Variants in CADM2 observed in about 807,000 individuals in gnomAD.
The protein encoded by CADM2 is cell adhesion molecule 2.
In CADM2, 12 loss-of-function variants were observed where a neutral mutation model predicts 49.8. The ratio of observed to expected loss-of-function variants is 0.24; its 90% CI spans 0.15 to 0.39. The LOEUF (loss-of-function observed/expected upper bound fraction) is 0.39, where lower values mean the gene tolerates loss of function less well. Ranked by LOEUF, CADM2 falls within the 10% of genes least tolerant of loss-of-function variation. CADM2 has a pLI of 1.00. For synonymous variants in CADM2, 214 were observed against 175.4 expected (o/e 1.22, Z -1.74); for missense variants, 378 against 492.3 (o/e 0.77, Z 2.20).
chr3:85,699,462 TA>T (rs1403628748), intron 1 of CADM2, among the ~76,000 whole-genome samples: 2 of 152,222 alleles, frequency 1.3e-5, no homozygotes, highest in Non-Finnish European at 2.9e-5. Flanking sequence ...GGCTTTTCCA[TA>T]AATCCTAAGA....
intron 1 of CADM2, among the ~76,000 whole-genome samples, chr3:85,170,239 G>A (rs1391969131): frequency 5.3e-5 from 8 of 152,014 alleles, no homozygotes; most frequent in Non-Finnish European, 1.2e-4. Flanking sequence ...TTATTCTGGC[G>A]CCTTTAGAGT....
intron 1 of CADM2, among the ~76,000 whole-genome samples, chr3:85,320,537 C>A (rs2044572956): frequency 6.6e-6 from 1 of 152,114 alleles, no homozygotes; most frequent in South Asian, 2.1e-4. Context: ...GTTTGGTTCA[C>A]GGAGACAATC....
chr3:85,567,846 A>G (rs890761644), intron 1 of CADM2, among the ~76,000 whole-genome samples: 4 of 152,198 alleles, frequency 2.6e-5, no homozygotes, highest in Admixed American at 2.6e-4. Context: ...TCTGAGGTCA[A>G]AGGCCTGAGA....
intron 1 of CADM2, among the ~76,000 whole-genome samples, chr3:84,988,679 C>G (rs1400046717): frequency 2.0e-5 from 3 of 151,942 alleles, no homozygotes; most frequent in Non-Finnish European, 2.9e-5. Flanking sequence ...TTTAGTAAAA[C>G]TTATGTTTAA....
Position 85,464,307 on chromosome 3 carries a change from TG to T in CADM2, c.62-262214del, listed in dbSNP as rs1338685854. On this transcript the variant is annotated intron_variant, in intron 1 of 9. Transcript: ENST00000383699. The stretch of plus-strand genomic sequence containing the variant: ...ATGTGATCACATCAATCTAAAACTT[TG>T]TTTTCCCTGCCACCATCTTGAACTC... Among the ~76,000 whole-genome samples, 9 of 152,240 alleles carry T rather than the reference TG, an allele frequency of 5.9e-5. No individual in the cohort carries two copies. In the South Asian group the frequency reaches 6.2e-4, roughly 11 times the overall value.
At chr3:85,441,753 G>T (rs188381353) in intron 1 of CADM2, among the ~76,000 whole-genome samples, 61 of 152,162 alleles carry the variant, frequency 4.0e-4, no homozygotes, top group Admixed American at 8.5e-4. Context: ...TGAAAGAAAT[G>T]ATGTAGCTTA....
At chr3:85,037,042 C>T (rs1345545254) in intron 1 of CADM2, among the ~76,000 whole-genome samples, 3 of 149,334 alleles carry the variant, frequency 2.0e-5, no homozygotes, top group South Asian at 2.1e-4. Flanking sequence ...TGGTGGCAGG[C>T]GCCTGTAATC....
intron 1 of CADM2, among the ~76,000 whole-genome samples, chr3:85,317,753 A>C (rs553246057): frequency 6.6e-6 from 1 of 152,182 alleles, no homozygotes; most frequent in Non-Finnish European, 1.5e-5. Context: ...ACACTATTGC[A>C]TTGAGGATTA....
chr3:85,601,288 G>T (rs937449724), intron 1 of CADM2, among the ~76,000 whole-genome samples: 13 of 149,376 alleles, frequency 8.7e-5, no homozygotes, highest in African/African-American at 3.2e-4. Context: ...TTGAAATATG[G>T]CTATACATGA....
intron 1 of CADM2, among the ~76,000 whole-genome samples, chr3:85,081,060 A>T (rs544140144): frequency 2.9e-4 from 44 of 152,244 alleles, no homozygotes; most frequent in Admixed American, 3.3e-4. Flanking sequence ...CTGTTACTAT[A>T]ATTCCAATAA....
At chr3:85,752,471 T>TGC (rs1192203668) in intron 2 of CADM2, among the ~76,000 whole-genome samples, 1,632 of 83,766 alleles carry the variant, frequency 0.019, 22 homozygotes, top group African/African-American at 0.084. Flanking sequence ...TATGTGTGCG[T>TGC]GCACACACAC....
At chr3:85,802,461 A>T (rs748690579) in intron 3 of CADM2, among the ~76,000 whole-genome samples, 3 of 151,944 alleles carry the variant, frequency 2.0e-5, no homozygotes, top group Non-Finnish European at 4.4e-5. Flanking sequence ...TTTCCTGTCT[A>T]GGTACCATAT....
chr3:85,031,607 C>T (rs1032661392), intron 1 of CADM2, among the ~76,000 whole-genome samples: 2 of 152,204 alleles, frequency 1.3e-5, no homozygotes, highest in East Asian at 1.9e-4. Context: ...CTCCGCCTCC[C>T]GGGTTCACGC....
rs147100140 is a variant in CADM2 at position 85,590,647 on chromosome 3, G to T, written c.62-135875G>T. 3.2e-3 allele frequency among the ~76,000 whole-genome samples: 481 copies of T among 151,890 alleles called. 7 individuals carry two copies. The highest frequency in any genetic ancestry group is 0.013 in the East Asian group (67 of 5,144). ...ATGAAAAATAAACATTTAGGGACAA[G>T]AATTAAAGGAAAGGCTTTGAAAAAT... On this transcript the variant is annotated intron_variant, in intron 1 of 9. Coordinates refer to ENST00000383699, the MANE Select transcript of CADM2 (RefSeq NM_001167675.2).
rs138073102 is a variant in CADM2 at position 85,380,236 on chromosome 3, C to A, written c.62-346286C>A. Among the ~76,000 whole-genome samples, 331 of 152,008 alleles carry A rather than the reference C, an allele frequency of 2.2e-3. 3 individuals are homozygous for A. Among genetic ancestry groups the A allele is most frequent in the Non-Finnish European group, 4.1e-3 (280 of 67,868 alleles). On this transcript the variant is annotated intron_variant, in intron 1 of 9. Transcript: ENST00000383699. ...AGGAAAAGAGCCAGCTGATCCAATA[C>A]CAATGATTTAGAATCGTGACACCTT...
intron 1 of CADM2, among the ~76,000 whole-genome samples, chr3:85,380,778 CAATT>C (rs1338031653): frequency 6.6e-6 from 1 of 151,790 alleles, no homozygotes; most frequent in Non-Finnish European, 1.5e-5. Flanking sequence ...TTCAGATAAT[CAATT>C]ACTTTTTTTA....
At chr3:85,123,358 G>T (rs2107595834) in intron 1 of CADM2, among the ~76,000 whole-genome samples, 1 of 152,164 alleles carries the variant, frequency 6.6e-6, no homozygotes, top group East Asian at 1.9e-4. Context: ...CATTTCAAAT[G>T]GTAGTCATAA....
At chr3:85,467,851 C>T (rs2038571116) in intron 1 of CADM2, among the ~76,000 whole-genome samples, 1 of 152,266 alleles carries the variant, frequency 6.6e-6, no homozygotes, top group Non-Finnish European at 1.5e-5. Context: ...TGAAATAAGA[C>T]AGTTTCATTC....
At chr3:85,217,273 G>T (rs766208937) in intron 1 of CADM2, among the ~76,000 whole-genome samples, 2 of 151,620 alleles carry the variant, frequency 1.3e-5, no homozygotes, top group Non-Finnish European at 3.0e-5. Flanking sequence ...TGTTTGTTGA[G>T]AAAACTCATA....
Sources: gnomAD v4.1 joint callset for allele counts (sites outside exome capture counted in the v4.1 genomes callset) on GRCh38, gnomAD v4.1.1 for gene constraint, MANE v1.5 for transcripts, NCBI Gene and HGNC (gene_info 2026-07-23, HGNC 2026-07-21) for gene names.